SNTG2: variants seen among roughly 807,000 people sequenced by gnomAD.
SNTG2 encodes gamma-2-syntrophin.
In SNTG2, 74 loss-of-function variants were observed where a neutral mutation model predicts 70.9. That is an observed-to-expected ratio of 1.04 (90% CI 0.86 to 1.27). The LOEUF (loss-of-function observed/expected upper bound fraction) is 1.27. SNTG2 is among the 50% of genes most tolerant of loss of function. SNTG2 has a pLI of 0.00. For synonymous variants in SNTG2, 278 were observed against 273.8 expected, an observed-to-expected ratio of 1.02 and a Z score of -0.15; for missense variants, 717 against 690.7, an observed-to-expected ratio of 1.04 and a Z score of -0.43.
intron 16 of SNTG2, among the ~76,000 whole-genome samples, chr2:1,332,911 A>C (rs1367214628): frequency 6.6e-6 from 1 of 152,138 alleles, no homozygotes; most frequent in Non-Finnish European, 1.5e-5. Context: ...AGGGACGCCT[A>C]CTCTCACCAC....
At chr2:955,252 A>G (rs1429010895) in intron 1 of SNTG2, among the ~76,000 whole-genome samples, 6 of 152,162 alleles carry the variant, frequency 3.9e-5, no homozygotes, top group Non-Finnish European at 7.4e-5. Flanking sequence ...GAAAAAGGTG[A>G]CCCTCCACTG....
At chr2:1,320,148 T>C (rs1345166411) in intron 16 of SNTG2, among the ~76,000 whole-genome samples, 1 of 152,226 alleles carries the variant, frequency 6.6e-6, no homozygotes, top group African/African-American at 2.4e-5. Context: ...TAGTGCATGA[T>C]GGGAACACTT....
intron 1 of SNTG2, among the ~76,000 whole-genome samples, chr2:1,025,209 G>C (rs1660408179): frequency 6.6e-6 from 1 of 152,140 alleles, no homozygotes; most frequent in Non-Finnish European, 1.5e-5. Context: ...GAAGAAGCAT[G>C]CCATCCCAGC....
At chr2:1,285,758 T>G (rs936717442) in intron 14 of SNTG2, among the ~76,000 whole-genome samples, 10 of 151,830 alleles carry the variant, frequency 6.6e-5, no homozygotes, top group Admixed American at 6.6e-5. Context: ...GTACTCCTTT[T>G]GCCTTCAGCA....
At chr2:1,208,670 AG>A (rs913452705) in intron 8 of SNTG2, among the ~76,000 whole-genome samples, 2 of 152,178 alleles carry the variant, frequency 1.3e-5, no homozygotes, top group African/African-American at 4.8e-5. Flanking sequence ...ACCGATAACA[AG>A]GCAGACCCAT....
At chr2:1,189,619 CACAAT>C (rs1672455722) in intron 8 of SNTG2, among the ~76,000 whole-genome samples, 6 of 151,350 alleles carry the variant, frequency 4.0e-5, no homozygotes, top group Non-Finnish European at 2.9e-5. Flanking sequence ...AGTCCAGTGG[CACAAT>C]CTTGACTCAC....
At chr2:1,011,502 T>C (rs1407999635) in intron 1 of SNTG2, among the ~76,000 whole-genome samples, 1 of 152,246 alleles carries the variant, frequency 6.6e-6, no homozygotes, top group African/African-American at 2.4e-5. Context: ...GATTCAGATT[T>C]TTAAATCATA....
At chr2:1,334,083 A>C (rs1180672474) in intron 16 of SNTG2, among the ~76,000 whole-genome samples, 1 of 152,218 alleles carries the variant, frequency 6.6e-6, no homozygotes, top group Non-Finnish European at 1.5e-5. Context: ...AAGGAACTCA[A>C]ACAAACCAGA....
intron 8 of SNTG2, among the ~76,000 whole-genome samples, chr2:1,194,884 C>T (rs1380720324): frequency 6.6e-6 from 1 of 152,110 alleles, no homozygotes; most frequent in Admixed American, 6.5e-5. Flanking sequence ...CCTAGTCCCC[C>T]ACTCCACAAC....
intron 1 of SNTG2, among the ~76,000 whole-genome samples, chr2:1,057,898 G>C (rs950446150): frequency 6.6e-6 from 1 of 152,124 alleles, no homozygotes; most frequent in Non-Finnish European, 1.5e-5. Flanking sequence ...AAAATTAGGT[G>C]GCATGGTGGC....
chr2:1,069,784 C>T (rs13425601), intron 1 of SNTG2, among the ~76,000 whole-genome samples: 2,120 of 151,948 alleles, frequency 0.014, 45 homozygotes, highest in African/African-American at 0.048. Flanking sequence ...AGCAAGACTC[C>T]GTCTCAAAAA....
chr2:1,219,257 C>T (rs1674596547), intron 9 of SNTG2, among the ~76,000 whole-genome samples: 2 of 152,142 alleles, frequency 1.3e-5, no homozygotes, highest in Admixed American at 6.5e-5. Context: ...TGAGGCCTCC[C>T]CAGAGTCCCA....
Position 1,124,746 on chromosome 2 carries a change from G to A in SNTG2, c.326-12876G>A, listed in dbSNP as rs916161430. 8.5e-5 allele frequency among the ~76,000 whole-genome samples: 13 copies of A among 152,128 alleles called. No homozygotes were observed. In the South Asian group the frequency reaches 1.2e-3, roughly 15 times the overall value. ...GGAACCTGACGAAAAGGTCAAACAC[G>A]CAGAGAAGGAGAATAATACAGTGGT... On this transcript the variant is annotated intron_variant, in intron 4 of 16. Coordinates refer to ENST00000308624, the MANE Select transcript of SNTG2 (RefSeq NM_018968.4).
chr2:1,008,524 C>T (rs920784105), intron 1 of SNTG2, among the ~76,000 whole-genome samples: 1 of 152,200 alleles, frequency 6.6e-6, no homozygotes, highest in Admixed American at 6.5e-5. Context: ...ATTTAAAAAA[C>T]AAAGTGTACT....
intron 1 of SNTG2, among the ~76,000 whole-genome samples, chr2:965,300 C>CT (rs1660509383): frequency 7.2e-6 from 1 of 139,304 alleles, no homozygotes; most frequent in Non-Finnish European, 1.6e-5. Context: ...AATCCTCCTC[C>CT]TGGTCCCCAG....
chr2:1,183,613 GA>G (rs933916294), intron 8 of SNTG2, among the ~76,000 whole-genome samples: 47 of 152,204 alleles, frequency 3.1e-4, no homozygotes, highest in African/African-American at 1.1e-3. Context: ...AAATTGATGG[GA>G]ATTAGCAACT....
chr2:1,082,873 A>G (rs998187677), intron 1 of SNTG2, among the ~76,000 whole-genome samples: 1 of 152,196 alleles, frequency 6.6e-6, no homozygotes, highest in African/African-American at 2.4e-5. Context: ...GACAAAGCTG[A>G]TAGATTTATC....
chr2:1,274,240 G>T (rs7572730), intron 14 of SNTG2, among the ~76,000 whole-genome samples: 26,819 of 152,064 alleles, frequency 0.18, 2,830 homozygotes, highest in East Asian at 0.32. Flanking sequence ...AGACAAATTC[G>T]CCACAAGATC....
At chr2:1,009,181 T>C (rs1314343202) in intron 1 of SNTG2, among the ~76,000 whole-genome samples, 1 of 99,324 alleles carries the variant, frequency 1.0e-5, no homozygotes, top group Non-Finnish European at 2.3e-5. Context: ...ATGCTGGTTC[T>C]GATACTGGTG....
Sources: gnomAD v4.1 joint callset for allele counts (sites outside exome capture counted in the v4.1 genomes callset) on GRCh38, gnomAD v4.1.1 for gene constraint, MANE v1.5 for transcripts, NCBI Gene and HGNC (gene_info 2026-07-23, HGNC 2026-07-21) for gene names.